IRAK3: variants seen among roughly 807,000 people sequenced by gnomAD.
IRAK3 encodes interleukin 1 receptor associated kinase 3, also known as interleukin-1 receptor-associated kinase 3.
Under a neutral mutation model 56.6 loss-of-function variants are expected in IRAK3, and 57 were observed. The observed-to-expected ratio is 1.01, with a 90% CI of 0.81 to 1.26. The LOEUF is 1.26. Among genes scored for constraint, IRAK3 ranks in the 50% most tolerant of loss-of-function variants. IRAK3 has a pLI of 0.00. For synonymous variants in IRAK3, 258 were observed against 255.7 expected (o/e 1.01, Z -0.09); for missense variants, 703 against 719.0 (o/e 0.98, Z 0.25).
intron 1 of IRAK3, among the ~76,000 whole-genome samples, chr12:66,193,084 C>T (rs570848906): frequency 1.3e-5 from 2 of 151,678 alleles, no homozygotes; most frequent in South Asian, 2.1e-4. Flanking sequence ...CTCAGTTTAC[C>T]GCAACCTCCG....
rs1028359479 is a variant in IRAK3 at position 66,226,585 on chromosome 12, T to C, written c.654-138T>C. 7.3e-6 allele frequency: 5 copies of C among 686,720 alleles called. No homozygotes were observed. The Admixed American group carries it at 8.1e-5, about 11-fold the overall frequency. 42.5% of individuals were successfully genotyped at this position (686,720 alleles called of 1,614,324 possible). A position where few individuals can be genotyped will look rare whatever the true frequency, so the allele number is the denominator to read the frequency against. On this transcript the variant is annotated intron_variant, in intron 6 of 11. Transcript: ENST00000261233. Reference sequence around the variant, plus strand: ...AATTTGGAAAGCAAATCTGTGTCTGTACCCAATGTGTCCGGCTGAATTTAT... The same window carrying C: ...AATTTGGAAAGCAAATCTGTGTCTGCACCCAATGTGTCCGGCTGAATTTAT...
chr12:66,252,367 A>T lies in IRAK3; in HGVS notation c.*4196A>T, dbSNP rs1226199922. ...GTGTTCCAAATTGCACAATGGAGTC[A>T]CTGCCAGTTCAAGCTCCTATGAAAA... On this transcript the variant is annotated 3_prime_UTR_variant, in exon 12 of 12. Transcript: ENST00000261233. 6.6e-6 allele frequency: 1 copy of T among 152,186 alleles called. No individual in the cohort carries two copies. Among genetic ancestry groups the T allele is most frequent in the African/African-American group, 2.4e-5 (1 of 41,454 alleles). The allele number at this position is 152,186 out of a possible 1,614,324, so 9.4% of individuals were successfully genotyped here.
chr12:66,208,283 A>T (rs932104646), intron 2 of IRAK3, among the ~76,000 whole-genome samples: 1 of 151,976 alleles, frequency 6.6e-6, no homozygotes, highest in African/African-American at 2.4e-5. Context: ...ACCACATAGA[A>T]GTTATAGTCG....
At chr12:66,197,391 T>C in intron 1 of IRAK3, 2 of 990,520 alleles carry the variant, frequency 2.0e-6, no homozygotes, top group Non-Finnish European at 2.4e-6. Context: ...AATTAACATG[T>C]TGAGAGTTTG....
At chr12:66,239,153 T>C (rs1224410656) in intron 8 of IRAK3, among the ~76,000 whole-genome samples, 1 of 152,202 alleles carries the variant, frequency 6.6e-6, no homozygotes, top group Admixed American at 6.5e-5. Context: ...AAAGAGATAA[T>C]CTTGGTGAAC....
Position 66,217,099 on chromosome 12 carries a change from A to C in IRAK3, c.589-72A>C, listed in dbSNP as rs2052684239. 3 of 1,080,470 alleles carry C rather than the reference A, an allele frequency of 2.8e-6. No homozygotes were observed. In the East Asian group the frequency reaches 7.1e-5, roughly 25 times the overall value. 66.9% of individuals were successfully genotyped at this position (1,080,470 alleles called of 1,614,324 possible). ...AAAGTTCATCTAATTTAGGGAGACT[A>C]TAGACCCTGGGTTAAGAATCCCAGA... is the stretch of plus-strand genomic sequence containing the variant. On this transcript the variant is annotated intron_variant, in intron 5 of 11. Coordinates refer to ENST00000261233, the MANE Select transcript of IRAK3 (RefSeq NM_007199.3).
intron 2 of IRAK3, among the ~76,000 whole-genome samples, chr12:66,208,330 CACACACACACACAA>C (rs1384757714): frequency 6.8e-6 from 1 of 146,880 alleles, no homozygotes. Context: ...TTGATACACA[CACACACACACACAA>C]ACACACACAC....
intron 6 of IRAK3, among the ~76,000 whole-genome samples, chr12:66,223,104 A>C (rs1202318792): frequency 6.6e-6 from 1 of 152,152 alleles, no homozygotes; most frequent in African/African-American, 2.4e-5. Flanking sequence ...GGAATTTCAC[A>C]AGGTAATGTC....
chr12:66,199,743 A>G (rs1481880121), intron 1 of IRAK3, among the ~76,000 whole-genome samples: 4 of 151,736 alleles, frequency 2.6e-5, no homozygotes, highest in African/African-American at 9.7e-5. Flanking sequence ...ATTTCTCTTA[A>G]GAGTTTTTAG....
intron 1 of IRAK3, among the ~76,000 whole-genome samples, chr12:66,203,447 A>G (rs1376348940): frequency 6.6e-6 from 1 of 152,218 alleles, no homozygotes; most frequent in Non-Finnish European, 1.5e-5. Context: ...CTTAGAACAG[A>G]AAAGAGGCAT....
intron 5 of IRAK3, among the ~76,000 whole-genome samples, chr12:66,216,041 G>A (rs1365983099): frequency 1.3e-5 from 2 of 152,166 alleles, no homozygotes; most frequent in Non-Finnish European, 2.9e-5. Context: ...AGATCTGACA[G>A]GAGCCCTGGA....
At chr12:66,201,718 T>G (rs926767116) in intron 1 of IRAK3, among the ~76,000 whole-genome samples, 3 of 152,240 alleles carry the variant, frequency 2.0e-5, no homozygotes, top group Non-Finnish European at 2.9e-5. Flanking sequence ...ATGCCAAACC[T>G]TAATTGAATT....
intron 5 of IRAK3, 59 bp downstream of exon 5, chr12:66,211,656 T>C (rs2052613642): frequency 7.2e-7 from 1 of 1,380,458 alleles, no homozygotes; most frequent in African/African-American, 1.4e-5. Flanking sequence ...ATCTTTCATA[T>C]TAAAATATGT....
At chr12:66,232,708 C>T (rs1342252410) in intron 8 of IRAK3, among the ~76,000 whole-genome samples, 1 of 152,120 alleles carries the variant, frequency 6.6e-6, no homozygotes, top group African/African-American at 2.4e-5. Context: ...ACTGAGCTGT[C>T]CAAATCCCTG....
At chr12:66,191,568 A>C (rs2052399733) in intron 1 of IRAK3, among the ~76,000 whole-genome samples, 1 of 152,222 alleles carries the variant, frequency 6.6e-6, no homozygotes, top group Non-Finnish European at 1.5e-5. Flanking sequence ...GCAGGTGGTC[A>C]TGCCTACTGA....
intron 8 of IRAK3, among the ~76,000 whole-genome samples, chr12:66,238,722 A>G (rs2052933786): frequency 6.6e-6 from 1 of 152,230 alleles, no homozygotes; most frequent in South Asian, 2.1e-4. Flanking sequence ...GACACAGCTC[A>G]GAAACACCCA....
At chr12:66,195,300 C>T (rs922095650) in intron 1 of IRAK3, among the ~76,000 whole-genome samples, 1 of 152,196 alleles carries the variant, frequency 6.6e-6, no homozygotes. Context: ...ACCATCGGTT[C>T]CCACCTCTAC....
intron 8 of IRAK3, among the ~76,000 whole-genome samples, chr12:66,243,774 A>T (rs1300167607): frequency 6.6e-6 from 1 of 152,150 alleles, no homozygotes; most frequent in Non-Finnish European, 1.5e-5. Flanking sequence ...ATGCAGTGGG[A>T]AATGGATCTC....
intron 8 of IRAK3, chr12:66,234,303 G>A: frequency 6.2e-7 from 1 of 1,612,778 alleles, no homozygotes; most frequent in Non-Finnish European, 8.5e-7. Flanking sequence ...GCGGGCTGTA[G>A]TGACATGGTG....
Sources: gnomAD v4.1 joint callset for allele counts (sites outside exome capture counted in the v4.1 genomes callset) on GRCh38, gnomAD v4.1.1 for gene constraint, MANE v1.5 for transcripts, NCBI Gene and HGNC (gene_info 2026-07-23, HGNC 2026-07-21) for gene names.